TRPV1: variants seen among roughly 807,000 people sequenced by gnomAD.
TRPV1 encodes transient receptor potential cation channel subfamily V member 1.
TRPV1 carries 82 observed loss-of-function variants against 82.3 expected under a neutral mutation model. The ratio of observed to expected loss-of-function variants is 1.00; its 90% confidence interval spans 0.83 to 1.20. TRPV1 has a LOEUF of 1.20. TRPV1 is among the 50% of genes most tolerant of loss of function. The pLI is 0.00. For missense variants in TRPV1, 1,067 were observed against 1,096.8 expected, an observed-to-expected ratio of 0.97 and a Z score of 0.38; for synonymous variants, 515 against 467.7, an observed-to-expected ratio of 1.10 and a Z score of -1.30.
At chr17:3,603,552 C>G (rs114408517) in intron 2 of TRPV1, among the ~76,000 whole-genome samples, 2 of 152,098 alleles carry the variant, frequency 1.3e-5, no homozygotes, top group African/African-American at 2.4e-5. Context: ...ACCTGCTTTA[C>G]GAGGCTTTTC....
chr17:3,588,844 C>T (rs372548647), intron 7 of TRPV1: 11 of 1,245,456 alleles, frequency 8.8e-6, no homozygotes, highest in South Asian at 5.3e-5. Flanking sequence ...AACACACAAA[C>T]GTCAACCAGC....
Position 3,596,144 on chromosome 17 carries a change from T to G in TRPV1, c.-33-3761A>C, listed in dbSNP as rs973103946. On this transcript the variant is annotated intron_variant, in intron 2 of 16. Transcript: ENST00000572705. ...AAAGGACAATCCTAAAAGAATCGAT[T>G]CTGCCCACAGAGACGTGGTATGATC... 3.3e-5 allele frequency among the ~76,000 whole-genome samples: 5 copies of G among 152,292 alleles called. 1 individual carries two copies. Among genetic ancestry groups the G allele is most frequent in the Admixed American group, 1.3e-4 (2 of 15,300 alleles).
chr17:3,588,289 A>T lies in TRPV1; in HGVS notation c.1123T>A (p.Tyr375Asn). The T allele has an allele frequency of 6.3e-7, 1 of 1,577,068 alleles. No individual in the cohort carries two copies. The highest frequency in any genetic ancestry group is 8.6e-7 in the Non-Finnish European group (1 of 1,162,008). The part of the protein sequence containing the change: ...HLSRKFTEWA[Y>N]GPVHSSLYDL... ...TACAGCGAGGAGTGCACGGGCCCGT[A>T]GGCCCACTCGGTGAACTTCCTGGAC... The change falls in exon 8 of 17, where the codon TAC becomes AAC. Residue 375 changes from tyrosine (Y) to asparagine (N), a missense_variant. Coordinates refer to ENST00000572705, the MANE Select transcript of TRPV1 (RefSeq NM_080704.4).
At chr17:3,585,238 C>T (rs2075070359) in intron 9 of TRPV1, 2 of 153,492 alleles carry the variant, frequency 1.3e-5, no homozygotes, top group South Asian at 2.0e-4. Context: ...ACAACCTCTG[C>T]CTCCAAGGTT....
chr17:3,591,780 G>A (rs1597544787), intron 3 of TRPV1, among the ~76,000 whole-genome samples: 1 of 152,218 alleles, frequency 6.6e-6, no homozygotes, highest in East Asian at 1.9e-4. Flanking sequence ...CTGGAGCTGT[G>A]CTGTGCTCTC....
In TRPV1 at chr17:3,566,626, T is replaced by C; in HGVS notation, c.*189A>G. On this transcript the variant is annotated 3_prime_UTR_variant, in exon 17 of 17. Transcript: ENST00000572705. ...AGATTCACTTGGGGACAGTGACGGT[T>C]GGATGTACATCACTCCCCATGCTTC... 1 of 594,838 alleles carries C rather than the reference T, an allele frequency of 1.7e-6. No homozygotes were observed. 36.8% of individuals were successfully genotyped at this position (594,838 alleles called of 1,614,324 possible).
chr17:3,571,455 C>A (rs2074852266), intron 16 of TRPV1, 69 bp downstream of exon 16: 3 of 1,305,970 alleles, frequency 2.3e-6, no homozygotes, highest in Non-Finnish European at 1.1e-6. Flanking sequence ...GGGGAACCTG[C>A]AAAGCTCCCC....
intron 13 of TRPV1, among the ~76,000 whole-genome samples, chr17:3,575,816 G>A (rs982518093): frequency 6.6e-6 from 1 of 152,074 alleles, no homozygotes; most frequent in Admixed American, 6.6e-5. Context: ...GGCTATAATC[G>A]TGAGGAAACA....
intron 5 of TRPV1, 58 bp downstream of exon 5, chr17:3,590,906 C>T (rs2075148024): frequency 7.0e-7 from 1 of 1,434,128 alleles, no homozygotes; most frequent in Non-Finnish European, 9.1e-7. Context: ...GACAACCATG[C>T]CCCCCTGCTT....
intron 14 of TRPV1, 71 bp from the exon 15 acceptor site, chr17:3,572,320 G>A: frequency 2.0e-6 from 3 of 1,524,004 alleles, no homozygotes; most frequent in Middle Eastern, 3.8e-4. Flanking sequence ...CTGGCTGCCA[G>A]TATCCAGCTC....
chr17:3,597,421 A>C (rs973485285), intron 2 of TRPV1, among the ~76,000 whole-genome samples: 1 of 152,168 alleles, frequency 6.6e-6, no homozygotes, highest in African/African-American at 2.4e-5. Flanking sequence ...TCCGTTTTCA[A>C]AATAAAGAGG....
At chr17:3,582,583 C>A (rs2075034664) in intron 10 of TRPV1, among the ~76,000 whole-genome samples, 1 of 143,688 alleles carries the variant, frequency 7.0e-6, no homozygotes. Flanking sequence ...GTGAGTCCCA[C>A]ATTCAAAGAA....
intron 2 of TRPV1, among the ~76,000 whole-genome samples, chr17:3,602,627 G>A (rs1048964028): frequency 4.6e-5 from 7 of 152,026 alleles, no homozygotes; most frequent in East Asian, 1.9e-4. Flanking sequence ...AAGCGTCTGC[G>A]GACGCGCCAG....
chr17:3,579,931 G>T (rs1224799651), intron 11 of TRPV1, among the ~76,000 whole-genome samples: 1 of 136,988 alleles, frequency 7.3e-6, no homozygotes, highest in Admixed American at 7.9e-5. Flanking sequence ...GGGGGATGGG[G>T]AAGCTCCAGG....
rs1261197960 is a variant in TRPV1 at position 3,591,000 on chromosome 17, G to A, written c.568C>T (p.Leu190Phe). Residue 190 changes from leucine to phenylalanine, a missense_variant, in exon 5 of 17, where the codon CTT (leucine) becomes TTT (phenylalanine). Coordinates refer to ENST00000572705, the MANE Select transcript of TRPV1 (RefSeq NM_080704.4). ...CTGTCCGTGTAGCTGGCGTTGACAA[G>A]CTCCTTCAGGCTGTCCGTTTGCCGC... is the stretch of plus-strand genomic sequence containing the variant. ...IARQTDSLKELVNASYTDSYY... is the reference protein window; with the variant it reads ...IARQTDSLKEFVNASYTDSYY... 6.2e-7 allele frequency: 1 copy of A among 1,610,128 alleles called. No individual in the cohort carries two copies. The highest frequency in any genetic ancestry group is 8.5e-7 in the Non-Finnish European group (1 of 1,178,588).
At chr17:3,570,240 G>C (rs8078502) in intron 16 of TRPV1, among the ~76,000 whole-genome samples, 85,163 of 151,732 alleles carry the variant, frequency 0.56, 24,415 homozygotes, top group East Asian at 0.72. Context: ...CGTGGTGGCA[G>C]GCACCTGTAA....
intron 13 of TRPV1, among the ~76,000 whole-genome samples, chr17:3,576,350 T>C (rs1230144476): frequency 6.6e-6 from 1 of 151,734 alleles, no homozygotes; most frequent in Non-Finnish European, 1.5e-5. Context: ...AAACCCCATC[T>C]CTATTAAAAA....
chr17:3,580,768 G>A (rs1203365177), intron 10 of TRPV1, among the ~76,000 whole-genome samples: 4 of 152,238 alleles, frequency 2.6e-5, no homozygotes, highest in Admixed American at 2.6e-4. Context: ...TGTCATCCCA[G>A]CACTTTGGGA....
At chr17:3,567,226 C>T (rs1278654009) in intron 16 of TRPV1, among the ~76,000 whole-genome samples, 2 of 151,012 alleles carry the variant, frequency 1.3e-5, no homozygotes, top group African/African-American at 4.9e-5. Flanking sequence ...AAAAATTGGC[C>T]GGGCATAGTG....
Sources: allele counts gnomAD v4.1 joint callset (sites outside exome capture counted in the v4.1 genomes callset), GRCh38; gene constraint gnomAD v4.1.1; transcripts MANE v1.5; gene names NCBI Gene and HGNC (gene_info 2026-07-23, HGNC 2026-07-21).